Variants in ARHGAP12 observed in about 807,000 individuals in gnomAD.
ARHGAP12 encodes the protein rho GTPase-activating protein 12.
In ARHGAP12, 64 loss-of-function variants were observed where a neutral mutation model predicts 108.6. That is an observed-to-expected ratio of 0.59 (90% confidence interval 0.48 to 0.73). The LOEUF is 0.73. ARHGAP12 is among the 30% of genes least tolerant of loss of function. The pLI is 0.00. For synonymous variants in ARHGAP12, 312 were observed against 337.2 expected (o/e 0.93, Z 0.82); for missense variants, 940 against 1,005.9 (o/e 0.93, Z 0.89).
rs1054203820 is a variant in ARHGAP12, at chr10:31,861,628, C to G, written c.715G>C (p.Asp239His). The change falls in exon 4 of 20, where the codon GAT becomes CAT. Residue 239 changes from aspartate (D) to histidine (H), a missense_variant. Coordinates refer to ENST00000344936, the MANE Select transcript of ARHGAP12 (RefSeq NM_018287.7). ...ATTPPNQGRP[D>H]SPVYANLQEL... ...TGAAGGTTAGCATAGACAGGAGAAT[C>G]TGGCCTTCCTTGATTTGGAGGTGTG... 1 of 1,608,092 alleles carries G rather than the reference C, an allele frequency of 6.2e-7. No individual in the cohort carries two copies. Among genetic ancestry groups the G allele is most frequent in the Non-Finnish European group, 8.5e-7 (1 of 1,178,026 alleles).
intron 1 of ARHGAP12, chr10:31,913,868 A>T (rs1293067855): frequency 6.5e-6 from 1 of 153,028 alleles, no homozygotes; most frequent in Non-Finnish European, 1.5e-5. Context: ...CAGTTAATAC[A>T]CTACCAAACA....
intron 1 of ARHGAP12, among the ~76,000 whole-genome samples, chr10:31,914,142 T>C (rs1396502707): frequency 6.6e-6 from 1 of 152,232 alleles, no homozygotes; most frequent in Non-Finnish European, 1.5e-5. Context: ...TTCTGAATGC[T>C]TCTAATACAA....
At chr10:31,897,273 G>A (rs1838738598) in intron 3 of ARHGAP12, among the ~76,000 whole-genome samples, 1 of 152,140 alleles carries the variant, frequency 6.6e-6, no homozygotes, top group Non-Finnish European at 1.5e-5. Flanking sequence ...CCTGAGGAAA[G>A]GGCACTTCCC....
At chr10:31,903,519 C>T (rs548830824) in intron 3 of ARHGAP12, among the ~76,000 whole-genome samples, 87 of 152,184 alleles carry the variant, frequency 5.7e-4, no homozygotes, top group African/African-American at 1.8e-3. Flanking sequence ...AAAGGGAAAA[C>T]GGATAAACTG....
chr10:31,808,442 A>G (rs1438003505), intron 19 of ARHGAP12: 2 of 455,094 alleles, frequency 4.4e-6, no homozygotes, highest in African/African-American at 4.0e-5. Context: ...TACTTCACAT[A>G]TAATACCTAC....
chr10:31,835,025 C>A lies in ARHGAP12; in HGVS notation c.1387-3225G>T, dbSNP rs149705943. ...ACTAGTCTGGCTAAGATGGTAAAAC[C>A]CCATCTCTACTAAAAATAAAAAAAT... On this transcript the variant is annotated intron_variant, in intron 9 of 19. Coordinates refer to ENST00000344936, the MANE Select transcript of ARHGAP12 (RefSeq NM_018287.7). Among the ~76,000 whole-genome samples, 33 of 151,684 alleles carry A rather than the reference C, an allele frequency of 2.2e-4. 1 individual carries two copies. The highest frequency in any genetic ancestry group is 4.1e-4 in the Non-Finnish European group (28 of 67,878).
At chr10:31,849,588 T>C (rs918655547) in intron 6 of ARHGAP12, among the ~76,000 whole-genome samples, 1 of 152,252 alleles carries the variant, frequency 6.6e-6, no homozygotes, top group Non-Finnish European at 1.5e-5. Context: ...GTCTTTATCA[T>C]GCAGTAACAA....
At chr10:31,863,305 A>G (rs1313033403) in intron 3 of ARHGAP12, among the ~76,000 whole-genome samples, 3 of 152,220 alleles carry the variant, frequency 2.0e-5, no homozygotes, top group Admixed American at 2.0e-4. Context: ...TTCTGTTAAT[A>G]TAAAAATTCT....
chr10:31,812,662 C>T (rs753349835), intron 15 of ARHGAP12, 45 bp downstream of exon 15: 8 of 1,175,458 alleles, frequency 6.8e-6, no homozygotes, highest in East Asian at 2.4e-5. Context: ...TTATTTATGA[C>T]GTAGGCCAAC....
At chr10:31,862,159 C>G (rs2132309706) in intron 3 of ARHGAP12, among the ~76,000 whole-genome samples, 1 of 152,262 alleles carries the variant, frequency 6.6e-6, no homozygotes, top group East Asian at 1.9e-4. Context: ...ATATTCTAAG[C>G]TCTAACATTA....
At chr10:31,884,933 AAATC>A (rs1838135297) in intron 3 of ARHGAP12, among the ~76,000 whole-genome samples, 1 of 152,200 alleles carries the variant, frequency 6.6e-6, no homozygotes, top group Non-Finnish European at 1.5e-5. Context: ...TATGCAATAA[AAATC>A]AATTATTTTC....
At chr10:31,893,340 G>C (rs1838537033) in intron 3 of ARHGAP12, among the ~76,000 whole-genome samples, 1 of 152,098 alleles carries the variant, frequency 6.6e-6, no homozygotes, top group African/African-American at 2.4e-5. Context: ...AAAATTGATA[G>C]ACTGCTAGCA....
intron 10 of ARHGAP12, 137 bp from the exon 11 acceptor site, chr10:31,826,522 G>A (rs1191118892): frequency 1.6e-6 from 1 of 640,058 alleles, no homozygotes; most frequent in Non-Finnish European, 2.6e-6. Context: ...TGTTTTTATT[G>A]GGGATAGATA....
At chr10:31,905,555 C>T (rs887760534) in intron 3 of ARHGAP12, among the ~76,000 whole-genome samples, 4 of 151,566 alleles carry the variant, frequency 2.6e-5, no homozygotes, top group African/African-American at 4.9e-5. Flanking sequence ...CAGGGGTCGC[C>T]GATAAAGGTA....
At chr10:31,901,764 T>C (rs1490970866) in intron 3 of ARHGAP12, among the ~76,000 whole-genome samples, 1 of 149,694 alleles carries the variant, frequency 6.7e-6, no homozygotes, top group East Asian at 1.9e-4. Flanking sequence ...TAGGGAAGAA[T>C]TCCCTCTTTC....
chr10:31,825,484 G>A (rs1447937992), intron 11 of ARHGAP12, among the ~76,000 whole-genome samples: 1 of 152,106 alleles, frequency 6.6e-6, no homozygotes, highest in Non-Finnish European at 1.5e-5. Context: ...AATAGCCAGA[G>A]CATGGATTCT....
At chr10:31,880,387 C>A (rs1354303549) in intron 3 of ARHGAP12, among the ~76,000 whole-genome samples, 2 of 152,044 alleles carry the variant, frequency 1.3e-5, no homozygotes, top group East Asian at 3.9e-4. Context: ...GACAGGAGGA[C>A]TGCTTGAGCC....
chr10:31,897,920 G>A (rs956749466), intron 3 of ARHGAP12, among the ~76,000 whole-genome samples: 6 of 152,152 alleles, frequency 3.9e-5, no homozygotes, highest in African/African-American at 1.4e-4. Flanking sequence ...GCGCCCAGGA[G>A]TTTGAGGCCA....
intron 3 of ARHGAP12, among the ~76,000 whole-genome samples, chr10:31,892,351 G>A (rs1838482109): frequency 6.6e-6 from 1 of 152,150 alleles, no homozygotes; most frequent in Non-Finnish European, 1.5e-5. Flanking sequence ...TCAGTGTGCT[G>A]TATTCAGGAG....
Sources: allele counts gnomAD v4.1 joint callset (sites outside exome capture counted in the v4.1 genomes callset), GRCh38; gene constraint gnomAD v4.1.1; transcripts MANE v1.5; gene names NCBI Gene and HGNC (gene_info 2026-07-23, HGNC 2026-07-21).